Variants in NUDT4 observed in about 807,000 individuals in gnomAD.
The protein encoded by NUDT4 is diphosphoinositol polyphosphate phosphohydrolase 2.
Under a neutral mutation model 23.1 loss-of-function variants are expected in NUDT4, and 5 were observed. That is an observed-to-expected ratio of 0.22 (90% CI 0.11 to 0.46). NUDT4 has a LOEUF of 0.46. Ranked by LOEUF, NUDT4 falls within the 20% of genes least tolerant of loss-of-function variation. NUDT4 has a pLI of 0.99. For missense variants in NUDT4, 96 were observed against 211.6 expected, an observed-to-expected ratio of 0.45 and a Z score of 3.39; for synonymous variants, 50 against 79.0, an observed-to-expected ratio of 0.63 and a Z score of 1.95.
intron 3 of NUDT4, among the ~76,000 whole-genome samples, chr12:93,397,459 CA>C (rs1877012182): frequency 6.6e-6 from 1 of 151,694 alleles, no homozygotes; most frequent in Admixed American, 6.6e-5. Context: ...TAACTTTAAT[CA>C]GGATGAAGGA....
In NUDT4 at chr12:93,407,506, G is replaced by A. The variant is rs1877884045; in HGVS notation, c.*8127G>A. On this transcript the variant is annotated 3_prime_UTR_variant, in exon 5 of 5. Transcript: ENST00000415493. ...AGGACTAGCAGGTGTGCTCGGAGGG[G>A]ACTCTAGCCAACTGGAGAGTAACTG... 2 of 152,252 alleles carry A rather than the reference G, an allele frequency of 1.3e-5. No individual in the cohort carries two copies. The highest frequency in any genetic ancestry group is 2.9e-5 in the Non-Finnish European group (2 of 68,078). The allele number at this position is 152,252 out of a possible 1,614,324, so 9.4% of individuals were successfully genotyped here.
At position 93,378,432 on chromosome 12, in the gene NUDT4, C is replaced by G; in HGVS notation, c.99+11C>G. The G allele has an allele frequency of 1.3e-6, 2 of 1,541,736 alleles. 1 individual carries two copies. The highest frequency in any genetic ancestry group is 2.4e-5 in the South Asian group (2 of 83,040). ...GAGCAGGAGGACGAGGTAGGGCGCC[C>G]GGCGCCGCACGCTGCCCTCCGGGGC... On this transcript the variant is annotated intron_variant, in intron 1 of 4. Transcript: ENST00000415493.
At chr12:93,381,331 G>A (rs1353984177) in intron 1 of NUDT4, among the ~76,000 whole-genome samples, 3 of 152,158 alleles carry the variant, frequency 2.0e-5, no homozygotes, top group East Asian at 1.9e-4. Context: ...AGTTTTGGCC[G>A]CTGGGCTTCT....
At position 93,377,942 on chromosome 12, in the gene NUDT4, T is replaced by C. The variant is rs1413764455; in HGVS notation, c.-381T>C. ...CGGCGCGCGGTCGCCGCGGTGCTGC[T>C]GCTCAGTGGGAGCGGGTCTTCGCAA... On this transcript the variant is annotated 5_prime_UTR_variant, in exon 1 of 5. Coordinates refer to ENST00000415493, the MANE Select transcript of NUDT4 (RefSeq NM_019094.6). 1 of 301,780 alleles carries C rather than the reference T, an allele frequency of 3.3e-6. No individual in the cohort carries two copies. The highest frequency in any genetic ancestry group is 6.6e-6 in the Non-Finnish European group (1 of 152,620). 18.7% of individuals were successfully genotyped at this position (301,780 alleles called of 1,614,324 possible).
In NUDT4 at chr12:93,403,033, T is replaced by C. The variant is rs12231625; in HGVS notation, c.*3654T>C. ...AAGAATTCTCTATAGGACTCTTTAA[T>C]TTTTTTTTTTTTTTGGTAGAGATGG... On this transcript the variant is annotated 3_prime_UTR_variant, in exon 5 of 5. Coordinates refer to ENST00000415493, the MANE Select transcript of NUDT4 (RefSeq NM_019094.6). 2.0e-5 allele frequency: 1 copy of C among 48,796 alleles called. No individual in the cohort carries two copies. 3.0% of individuals were successfully genotyped at this position (48,796 alleles called of 1,614,324 possible).
At chr12:93,380,549 AAG>A (rs1273605626) in intron 1 of NUDT4, among the ~76,000 whole-genome samples, 4 of 152,192 alleles carry the variant, frequency 2.6e-5, no homozygotes, top group Non-Finnish European at 5.9e-5. Flanking sequence ...TTGAGAATTG[AAG>A]AGAGTGAGTC....
rs541071728 is a variant in NUDT4 at position 93,392,058 on chromosome 12, A to G, written c.100-2551A>G. 8.6e-4 allele frequency among the ~76,000 whole-genome samples: 131 copies of G among 151,472 alleles called. 1 individual carries two copies. Among genetic ancestry groups the G allele is most frequent in the African/African-American group, 3.1e-3 (128 of 41,228 alleles). ...GCTACCACACCCAGCTAATTTTTGT[A>G]TTTTTAGTAGAGATAGGGTTTCACC... On this transcript the variant is annotated intron_variant, in intron 1 of 4. Transcript: ENST00000415493.
chr12:93,393,959 T>C (rs181592362), intron 1 of NUDT4, among the ~76,000 whole-genome samples: 3 of 152,360 alleles, frequency 2.0e-5, no homozygotes, highest in Non-Finnish European at 2.9e-5. Flanking sequence ...AATAAACTTA[T>C]GTGACCATAG....
chr12:93,384,552 G>A (rs1048316579), intron 1 of NUDT4, among the ~76,000 whole-genome samples: 1 of 152,104 alleles, frequency 6.6e-6, no homozygotes, highest in Non-Finnish European at 1.5e-5. Context: ...ATTAATGATA[G>A]CTGGTAAGCT....
At chr12:93,382,001 C>T (rs1455346642) in intron 1 of NUDT4, among the ~76,000 whole-genome samples, 3 of 152,106 alleles carry the variant, frequency 2.0e-5, no homozygotes, top group Non-Finnish European at 4.4e-5. Context: ...TCATGCCTGT[C>T]ATCCCAGCAC....
rs1877295862 is a variant in NUDT4 at position 93,400,384 on chromosome 12, AAT to A, written c.*1006_*1007del. 1 of 152,192 alleles carries A rather than the reference AAT, an allele frequency of 6.6e-6. No homozygotes were observed. The highest frequency in any genetic ancestry group is 1.5e-5 in the Non-Finnish European group (1 of 68,018). The allele number at this position is 152,192 out of a possible 1,614,324, so 9.4% of individuals were successfully genotyped here. ...ACTGAAGATTGTTAGGGCACCTTAG[AAT>A]GTCTCATCTTTTCTAGGTTGTCAAC... is the stretch of plus-strand genomic sequence containing the variant. On this transcript the variant is annotated 3_prime_UTR_variant, in exon 5 of 5. Coordinates refer to ENST00000415493, the MANE Select transcript of NUDT4 (RefSeq NM_019094.6).
At chr12:93,379,889 G>A (rs1875534615) in intron 1 of NUDT4, among the ~76,000 whole-genome samples, 1 of 152,226 alleles carries the variant, frequency 6.6e-6, no homozygotes, top group Non-Finnish European at 1.5e-5. Flanking sequence ...GATCAAGATA[G>A]ATCAAGGATC....
At chr12:93,391,417 T>C (rs768993794) in intron 1 of NUDT4, among the ~76,000 whole-genome samples, 6 of 151,820 alleles carry the variant, frequency 4.0e-5, no homozygotes, top group Non-Finnish European at 7.4e-5. Context: ...ATACAAAAAT[T>C]AGCTGGTCTT....
intron 1 of NUDT4, among the ~76,000 whole-genome samples, chr12:93,389,344 T>C (rs1427555684): frequency 2.0e-5 from 3 of 151,722 alleles, no homozygotes; most frequent in Non-Finnish European, 4.4e-5. Flanking sequence ...TGGTGGCGCA[T>C]GTCTGTAATC....
chr12:93,386,721 A>C (rs974339935), intron 1 of NUDT4, among the ~76,000 whole-genome samples: 2 of 152,194 alleles, frequency 1.3e-5, no homozygotes, highest in African/African-American at 2.4e-5. Context: ...TTTATGTAAG[A>C]AACAAAATTT....
Position 93,405,591 on chromosome 12 carries a change from G to GC in NUDT4, c.*6214dup, listed in dbSNP as rs1038461714. The GC allele has an allele frequency of 3.3e-5, 5 of 152,076 alleles. No homozygotes were observed. The highest frequency in any genetic ancestry group is 1.2e-4 in the African/African-American group (5 of 41,354). The allele number at this position is 152,076 out of a possible 1,614,324, so 9.4% of individuals were successfully genotyped here. A position where few individuals can be genotyped will look rare whatever the true frequency, so the allele number is the denominator to read the frequency against. On this transcript the variant is annotated 3_prime_UTR_variant, in exon 5 of 5. Transcript: ENST00000415493. ...GCTAATGGCAAGTTAGTACCATAAA[G>GC]CCAACTCTTGGAATATACCTGACTT... is the stretch of plus-strand genomic sequence containing the variant.
At chr12:93,396,598 CTT>C (rs998157910) in intron 3 of NUDT4, among the ~76,000 whole-genome samples, 1 of 152,114 alleles carries the variant, frequency 6.6e-6, no homozygotes, top group African/African-American at 2.4e-5. Context: ...TTGATGATGA[CTT>C]TTACCGGAAT....
At chr12:93,398,356 AAAAG>A (rs1877090599) in intron 3 of NUDT4, among the ~76,000 whole-genome samples, 9 of 149,436 alleles carry the variant, frequency 6.0e-5, no homozygotes, top group South Asian at 2.1e-4. Flanking sequence ...AAAAAAAAAA[AAAAG>A]AAAAGAACAT....
rs754041012 is a variant in NUDT4 at position 93,394,596 on chromosome 12, GT to G, written c.100-11del. 1 of 1,501,530 alleles carries G rather than the reference GT, an allele frequency of 6.7e-7. No homozygotes were observed. Among genetic ancestry groups the G allele is most frequent in the African/African-American group, 1.4e-5 (1 of 72,062 alleles). The allele number at this position is 1,501,530 out of a possible 1,614,324, so 93.0% of individuals were successfully genotyped here. A position where few individuals can be genotyped will look rare whatever the true frequency, so the allele number is the denominator to read the frequency against. ...CTCAGGCTGGAAGTATACAGTTATG[GT>G]TCACCTTACAGGTGCTGCTGGTGAG... is the stretch of plus-strand genomic sequence containing the variant. On this transcript the variant is annotated splice_polypyrimidine_tract_variant and intron_variant, in intron 1 of 4. Transcript: ENST00000415493.
Sources: allele counts gnomAD v4.1 joint callset (sites outside exome capture counted in the v4.1 genomes callset), GRCh38; gene constraint gnomAD v4.1.1; transcripts MANE v1.5; gene names NCBI Gene and HGNC (gene_info 2026-07-23, HGNC 2026-07-21).